The following CELF4 variants were observed in gnomAD, a reference collection of about 807,000 sequenced individuals.
CELF4 encodes CUG-BP- and ETR-3-like factor 4.
CELF4 carries 18 observed loss-of-function variants against 59.9 expected under a neutral mutation model. That is an observed-to-expected ratio of 0.30 (90% CI 0.21 to 0.45). The LOEUF is 0.45. CELF4 is among the 20% of genes least tolerant of loss of function. The pLI is 1.00. For synonymous variants in CELF4, 261 were observed against 267.1 expected (o/e 0.98, Z 0.22); for missense variants, 456 against 689.0 (o/e 0.66, Z 3.79).
intron 2 of CELF4, among the ~76,000 whole-genome samples, chr18:37,384,231 C>T (rs2099074565): frequency 6.6e-6 from 1 of 152,330 alleles, no homozygotes; most frequent in African/African-American, 2.4e-5. Flanking sequence ...AGGGGAGACA[C>T]TCTGTCCTTC....
chr18:37,401,811 C>T (rs1316087107), intron 2 of CELF4, among the ~76,000 whole-genome samples: 2 of 152,252 alleles, frequency 1.3e-5, no homozygotes, highest in Non-Finnish European at 2.9e-5. Flanking sequence ...TGGCCTCTCA[C>T]TTCCCTAGGG....
chr18:37,301,124 C>A, intron 3 of CELF4, among the ~76,000 whole-genome samples: 1 of 152,254 alleles, frequency 6.6e-6, no homozygotes, highest in South Asian at 2.1e-4. Context: ...ACAGAGGATA[C>A]TCCAAGTGGG....
At chr18:37,282,817 G>C (rs1454980884) in intron 3 of CELF4, among the ~76,000 whole-genome samples, 1 of 152,164 alleles carries the variant, frequency 6.6e-6, no homozygotes, top group Non-Finnish European at 1.5e-5. Context: ...GGGTCACCAC[G>C]GGCCAGGTCT....
intron 2 of CELF4, among the ~76,000 whole-genome samples, chr18:37,363,442 T>C (rs2098735971): frequency 6.6e-6 from 1 of 152,174 alleles, no homozygotes; most frequent in South Asian, 2.1e-4. Context: ...CTTAGAGCCT[T>C]ACAACTCTTA....
intron 2 of CELF4, among the ~76,000 whole-genome samples, chr18:37,347,598 T>C (rs2154551943): frequency 6.6e-6 from 1 of 152,258 alleles, no homozygotes; most frequent in South Asian, 2.1e-4. Flanking sequence ...TGGAGGTTCC[T>C]TCACAGCTCT....
chr18:37,523,690 C>A (rs747022600), intron 1 of CELF4, among the ~76,000 whole-genome samples: 2 of 152,314 alleles, frequency 1.3e-5, no homozygotes, highest in Non-Finnish European at 2.9e-5. Context: ...CTAAGAGGAG[C>A]CCCACTTACG....
At chr18:37,250,130 G>A (rs1405740865) in intron 12 of CELF4, among the ~76,000 whole-genome samples, 2 of 152,214 alleles carry the variant, frequency 1.3e-5, no homozygotes, top group Admixed American at 1.3e-4. Flanking sequence ...CAGGCTGGGT[G>A]TGTTCTGCCC....
chr18:37,287,615 T>C (rs2094925103), intron 3 of CELF4, among the ~76,000 whole-genome samples: 1 of 152,218 alleles, frequency 6.6e-6, no homozygotes, highest in Non-Finnish European at 1.5e-5. Flanking sequence ...CCCAGGCCCC[T>C]GTTTCTCAGG....
chr18:37,529,555 C>A (rs777400785), intron 1 of CELF4, among the ~76,000 whole-genome samples: 7 of 152,208 alleles, frequency 4.6e-5, no homozygotes, highest in Admixed American at 2.0e-4. Flanking sequence ...GGGGGACTGG[C>A]AGTAGGAAAG....
intron 3 of CELF4, among the ~76,000 whole-genome samples, chr18:37,298,724 CA>C (rs5824047): frequency 0.16 from 19,925 of 124,154 alleles, 2,249 homozygotes; most frequent in African/African-American, 0.35. Context: ...GACTCTATCT[CA>C]AAAAAAAAAA....
chr18:37,290,135 G>A (rs569913610), intron 3 of CELF4, among the ~76,000 whole-genome samples: 6 of 152,212 alleles, frequency 3.9e-5, no homozygotes, highest in Admixed American at 1.3e-4. Context: ...GTGCTGAGCT[G>A]GGGAGGCCAA....
chr18:37,317,915 A>T (rs1193880623), intron 3 of CELF4, among the ~76,000 whole-genome samples: 1 of 152,140 alleles, frequency 6.6e-6, no homozygotes, highest in Non-Finnish European at 1.5e-5. Flanking sequence ...TAGAGGCCTG[A>T]GATGGGGGAT....
intron 2 of CELF4, among the ~76,000 whole-genome samples, chr18:37,415,029 G>C (rs925006227): frequency 6.6e-6 from 1 of 152,252 alleles, no homozygotes; most frequent in African/African-American, 2.4e-5. Context: ...AGGGAAGATG[G>C]TATGTGGAAA....
At chr18:37,442,935 A>C (rs1309542728) in intron 2 of CELF4, among the ~76,000 whole-genome samples, 1 of 152,118 alleles carries the variant, frequency 6.6e-6, no homozygotes, top group African/African-American at 2.4e-5. Context: ...GTTAGTTTGC[A>C]CCTATCTTCC....
intron 1 of CELF4, among the ~76,000 whole-genome samples, chr18:37,559,596 C>A (rs897525717): frequency 2.0e-5 from 3 of 152,190 alleles, no homozygotes; most frequent in Middle Eastern, 3.4e-3. Context: ...ATTCCAGATT[C>A]TCTTTAGGTG....
intron 2 of CELF4, among the ~76,000 whole-genome samples, chr18:37,346,572 T>C (rs1024273634): frequency 1.3e-5 from 2 of 152,148 alleles, no homozygotes; most frequent in Non-Finnish European, 2.9e-5. Context: ...GGCAGGTACA[T>C]GAGCCATGTT....
chr18:37,278,164 C>A (rs773431611), intron 3 of CELF4, among the ~76,000 whole-genome samples: 1 of 152,006 alleles, frequency 6.6e-6, no homozygotes, highest in Non-Finnish European at 1.5e-5. Context: ...CTCAGTTAAG[C>A]GCCTCCTTCT....
chr18:37,531,732 T>G (rs993069100), intron 1 of CELF4, among the ~76,000 whole-genome samples: 2 of 152,084 alleles, frequency 1.3e-5, no homozygotes, highest in Non-Finnish European at 2.9e-5. Flanking sequence ...TGTGCTAGGA[T>G]AGAGGGGCCG....
At chr18:37,307,973 G>A (rs889373391) in intron 3 of CELF4, among the ~76,000 whole-genome samples, 2 of 152,122 alleles carry the variant, frequency 1.3e-5, no homozygotes, top group Admixed American at 6.5e-5. Flanking sequence ...ATAGACATGC[G>A]CCTGAAAGTA....
Sources: allele counts gnomAD v4.1 joint callset (sites outside exome capture counted in the v4.1 genomes callset), GRCh38; gene constraint gnomAD v4.1.1; transcripts MANE v1.5; gene names NCBI Gene and HGNC (gene_info 2026-07-23, HGNC 2026-07-21).